The following TNK2 variants were observed in gnomAD, a reference collection of about 807,000 sequenced individuals.
TNK2 encodes the protein tyrosine kinase non receptor 2.
In TNK2, 83 loss-of-function variants were observed where a neutral mutation model predicts 101.8. The ratio of observed to expected loss-of-function variants is 0.82; its 90% CI spans 0.68 to 0.98. The LOEUF is 0.98. Among genes scored for constraint, TNK2 ranks in the 50% least tolerant of loss-of-function variants. The probability of loss-of-function intolerance (pLI) is 0.00; values close to 1 mark genes in which losing one functional copy is unlikely to be tolerated. For missense variants in TNK2, 1,665 were observed against 1,483.2 expected (o/e 1.12, Z -2.01); for synonymous variants, 804 against 633.0 (o/e 1.27, Z -4.06).
chr3:195,868,314 T>C lies in TNK2; in HGVS notation c.1984A>G (p.Ile662Val), dbSNP rs1295462134. The C allele has an allele frequency of 2.5e-6, 4 of 1,602,984 alleles. No individual in the cohort carries two copies. The highest frequency in any genetic ancestry group is 3.4e-6 in the Non-Finnish European group (4 of 1,179,266). ...DVAQDEDDFE[I>V]CSINSTLVGA... is the part of the protein sequence containing the mutation. The stretch of plus-strand genomic sequence containing the variant: ...ACGAGGGTGCTGTTGATGGAGCAGA[T>C]CTCAAAGTCATCCTCATCCTGGGCC... Residue 662 changes from isoleucine (I) to valine (V), a missense_variant, in exon 13 of 16, where the codon ATC becomes GTC. Ile to Val is a conservative substitution (Grantham distance 29). Transcript: ENST00000672887.
At position 195,868,403 on chromosome 3, in the gene TNK2, T is replaced by TGCAGGG; in HGVS notation, c.1889_1894dup (p.Pro630_Leu631dup). 1 of 1,578,630 alleles carries TGCAGGG rather than the reference T, an allele frequency of 6.3e-7. No individual in the cohort carries two copies. Among genetic ancestry groups the TGCAGGG allele is most frequent in the African/African-American group, 1.4e-5 (1 of 73,374 alleles). ...GTCCCAGTCCACCACAGGCGTGGGG[T>TGCAGGG]GCAGGGGCCGGGGCAGTGCCCGCGT... On this transcript the variant is annotated inframe_insertion, in exon 13 of 16. Transcript: ENST00000672887.
rs1760792823 is a variant in TNK2 at position 195,897,820 on chromosome 3, C to CCCCCCA, written c.-18-9215_-18-9214insTGGGGG. 2.5e-3 allele frequency among the ~76,000 whole-genome samples: 13 copies of CCCCCCA among 5,246 alleles called. No individual in the cohort carries two copies. The Admixed American group carries it at 0.031, about 13-fold the overall frequency. 3.4% of individuals were successfully genotyped at this position (5,246 alleles called of 152,430 possible). ...CCTGCCCACCCCCTCACCCCCCCAC[C>CCCCCCA]CCCCCCCCACCCCCCGCCCCCAGCT... On this transcript the variant is annotated intron_variant, in intron 1 of 15. Coordinates refer to ENST00000672887, the MANE Select transcript of TNK2 (RefSeq NM_001382273.1).
chr3:195,902,575 A>G (rs1427961972), intron 1 of TNK2, among the ~76,000 whole-genome samples: 1 of 143,660 alleles, frequency 7.0e-6, no homozygotes, highest in Non-Finnish European at 1.5e-5. Flanking sequence ...CCGAGATTGC[A>G]CCACTGCACT....
intron 12 of TNK2, chr3:195,869,013 C>A (rs1025497241): frequency 2.1e-6 from 1 of 472,962 alleles, no homozygotes; most frequent in Non-Finnish European, 3.7e-6. Context: ...AGCACAAGAC[C>A]CCGGCGGCCC....
intron 1 of TNK2, among the ~76,000 whole-genome samples, chr3:195,891,081 G>A (rs1671015636): frequency 6.6e-6 from 1 of 152,152 alleles, no homozygotes; most frequent in South Asian, 2.1e-4. Flanking sequence ...TAATATAACA[G>A]GTTATATATT....
At chr3:195,903,652 G>A (rs1038842454) in intron 1 of TNK2, among the ~76,000 whole-genome samples, 18 of 152,112 alleles carry the variant, frequency 1.2e-4, no homozygotes, top group African/African-American at 4.1e-4. Flanking sequence ...AGGAGGCAGA[G>A]GTTGCAGTGT....
intron 9 of TNK2, chr3:195,872,770 T>C (rs1577019304): frequency 2.7e-6 from 1 of 366,810 alleles, no homozygotes; most frequent in East Asian, 5.2e-5. Context: ...CTGTCCACGG[T>C]TACCAGAAAG....
rs567286194 is a variant in TNK2 at position 195,864,959 on chromosome 3, A to C, written c.3162-772T>G. On this transcript the variant is annotated intron_variant, in intron 15 of 15. Coordinates refer to ENST00000672887, the MANE Select transcript of TNK2 (RefSeq NM_001382273.1). ...GTGACACGGAGTGCCTGCATCCCAG[A>C]TGCAAATCAGTAAGAACCACCCGAG... Among the ~76,000 whole-genome samples, 20 of 112,308 alleles carry C rather than the reference A, an allele frequency of 1.8e-4. No homozygotes were observed. The East Asian group carries it at 4.0e-3, about 22-fold the overall frequency. The allele number at this position is 112,308 out of a possible 152,430, so 73.7% of individuals were successfully genotyped here. A position where few individuals can be genotyped will look rare whatever the true frequency, so the allele number is the denominator to read the frequency against.
chr3:195,867,704 T>C lies in TNK2; in HGVS notation c.2594A>G (p.Asp865Gly), dbSNP rs761465390. ...AGPCILPIVR[D>G]GKKVSSTHYY... ...GTGGGTGCTGCTGACCTTCTTGCCA[T>C]CCCGGACGATGGGCAGGATGCAGGG... Residue 865 changes from aspartate to glycine, a missense_variant, in exon 13 of 16, where the codon GAT (aspartate) becomes GGT (glycine). Physicochemically the swap from Asp to Gly is moderately conservative, Grantham distance 94 (BLOSUM62 -1). Coordinates refer to ENST00000672887, the MANE Select transcript of TNK2 (RefSeq NM_001382273.1). 6.2e-7 allele frequency: 1 copy of C among 1,608,062 alleles called. No homozygotes were observed.
At chr3:195,869,571 G>A in intron 11 of TNK2, 30 bp from the exon 12 acceptor site, 3 of 1,550,642 alleles carry the variant, frequency 1.9e-6, no homozygotes, top group Non-Finnish European at 2.6e-6. Context: ...GACAGGGGGA[G>A]AGAGACGGAG....
chr3:195,864,922 A>AGGAT (rs1739595429), intron 15 of TNK2, among the ~76,000 whole-genome samples: 1 of 134,880 alleles, frequency 7.4e-6, no homozygotes, highest in Non-Finnish European at 1.6e-5. Flanking sequence ...CACCCGAGAC[A>AGGAT]GCGACAGACA....
chr3:195,903,905 G>C (rs1485386840), intron 1 of TNK2, among the ~76,000 whole-genome samples: 1 of 152,160 alleles, frequency 6.6e-6, no homozygotes, highest in East Asian at 1.9e-4. Flanking sequence ...CAAGACTGCA[G>C]GATTCAAGCT....
intron 1 of TNK2, chr3:195,892,525 G>T: frequency 1.0e-5 from 16 of 1,532,108 alleles, no homozygotes; most frequent in Non-Finnish European, 1.4e-5. Flanking sequence ...AGTCACTGGG[G>T]ATCCAGTGGC....
rs547405372 is a variant in TNK2 at position 195,868,243 on chromosome 3, G to A, written c.2055C>T (p.Tyr685=). 107 of 1,605,626 alleles carry A rather than the reference G, an allele frequency of 6.7e-5. No individual in the cohort carries two copies. Among genetic ancestry groups the A allele is most frequent in the South Asian group, 4.3e-4 (39 of 91,044 alleles). The change falls in exon 13 of 16, where the codon TAC becomes TAT. Residue 685 remains tyrosine, a synonymous_variant. Transcript: ENST00000672887. ...GCCGCGCCTGCTCAGGCACAAAGGC[G>A]TAGTTGGTCTGGCCCTGGCTGGGCC... ...PAGPSQGQTN[Y]AFVPEQARPP... is the part of the protein sequence containing the mutation.
At chr3:195,884,645 AAAAT>A (rs759327725) in intron 4 of TNK2, 163 bp downstream of exon 4, 129 of 639,076 alleles carry the variant, frequency 2.0e-4, no homozygotes, top group South Asian at 3.5e-4. Flanking sequence ...CTCCATCTCA[AAAAT>A]AAATAAATAA....
At chr3:195,896,417 A>C (rs368542022) in intron 1 of TNK2, 2 of 294,538 alleles carry the variant, frequency 6.8e-6, no homozygotes, top group Non-Finnish European at 1.3e-5. Context: ...CTCTCCTCAC[A>C]CAGCCCCTTC....
intron 9 of TNK2, chr3:195,872,735 A>C (rs1010488508): frequency 6.4e-6 from 3 of 470,922 alleles, no homozygotes; most frequent in Non-Finnish European, 1.1e-5. Context: ...GGCACGCTGG[A>C]AGCTGCTGCA....
rs535564845 is a variant in TNK2, at chr3:195,869,750, G to A, written c.1544-209C>T. On this transcript the variant is annotated intron_variant, in intron 11 of 15. Coordinates refer to ENST00000672887, the MANE Select transcript of TNK2 (RefSeq NM_001382273.1). ...GTCCAGTATGATAGGCAGAGGACCGGGAGATGGAGGAGGCCCCAGGCAGAG... is the reference window on the plus strand; with the variant it reads ...GTCCAGTATGATAGGCAGAGGACCGAGAGATGGAGGAGGCCCCAGGCAGAG... 4.1e-5 allele frequency: 25 copies of A among 614,916 alleles called. No homozygotes were observed. The African/African-American group carries it at 4.2e-4, about 10-fold the overall frequency. 38.1% of individuals were successfully genotyped at this position (614,916 alleles called of 1,614,324 possible). A position where few individuals can be genotyped will look rare whatever the true frequency, so the allele number is the denominator to read the frequency against.
chr3:195,898,620 GTTC>G (rs1310383799), intron 1 of TNK2, among the ~76,000 whole-genome samples: 2 of 152,100 alleles, frequency 1.3e-5, no homozygotes, highest in East Asian at 1.9e-4. Flanking sequence ...ATACTCTGGG[GTTC>G]TTCTTGTTTT....
Sources: allele counts gnomAD v4.1 joint callset (sites outside exome capture counted in the v4.1 genomes callset), GRCh38; gene constraint gnomAD v4.1.1; transcripts MANE v1.5; gene names NCBI Gene and HGNC (gene_info 2026-07-23, HGNC 2026-07-21).